The following PDE1C variants were observed in gnomAD, a reference collection of about 807,000 sequenced individuals.
PDE1C encodes phosphodiesterase 1C, also known as dual specificity calcium/calmodulin-dependent 3',5'-cyclic nucleotide phosphodiesterase 1C.
In PDE1C, 62 loss-of-function variants were observed where a neutral mutation model predicts 93.1. The observed-to-expected ratio is 0.67, with a 90% CI of 0.54 to 0.82. PDE1C has a LOEUF of 0.82. PDE1C is among the 40% of genes least tolerant of loss of function. The pLI is 0.00. For synonymous variants in PDE1C, 325 were observed against 310.1 expected (o/e 1.05, Z -0.50); for missense variants, 742 against 884.6 (o/e 0.84, Z 2.04).
At chr7:32,332,171 T>A (rs1442559942) in intron 1 of PDE1C, among the ~76,000 whole-genome samples, 1 of 151,988 alleles carries the variant, frequency 6.6e-6, no homozygotes, top group Admixed American at 6.5e-5. Flanking sequence ...CACAGAGACA[T>A]CTATAATCAA....
At chr7:32,092,814 G>C (rs1358441996) in intron 3 of PDE1C, among the ~76,000 whole-genome samples, 1 of 151,546 alleles carries the variant, frequency 6.6e-6, no homozygotes, top group African/African-American at 2.4e-5. Context: ...ACTATGTTGA[G>C]TATTCTTACC....
the PDE1C span, among the ~76,000 whole-genome samples, chr7:31,705,986 A>ATTTTTTTT: frequency 1.1e-4 from 6 of 52,514 alleles, 2 homozygotes; most frequent in African/African-American, 1.5e-4. Context: ...CAGACCAGTA[A>ATTTTTTTT]TTTTTTTTTT....
intron 2 of PDE1C, among the ~76,000 whole-genome samples, chr7:32,048,094 A>T (rs552048480): frequency 6.6e-6 from 1 of 152,324 alleles, no homozygotes; most frequent in African/African-American, 2.4e-5. Context: ...AGATATATTT[A>T]AAATTGTCTA....
chr7:31,985,752 C>T (rs969690202), intron 2 of PDE1C, among the ~76,000 whole-genome samples: 1 of 149,400 alleles, frequency 6.7e-6, no homozygotes, highest in Non-Finnish European at 1.5e-5. Flanking sequence ...GACATGAATT[C>T]ATCTTTTTTA....
chr7:31,698,145 G>A, the PDE1C span, among the ~76,000 whole-genome samples: 1 of 152,254 alleles, frequency 6.6e-6, no homozygotes, highest in South Asian at 2.1e-4. Flanking sequence ...AACACTCTGG[G>A]GAGAAGATAA....
At chr7:32,203,191 A>T (rs1004240967) in intron 2 of PDE1C, among the ~76,000 whole-genome samples, 1 of 150,602 alleles carries the variant, frequency 6.6e-6, no homozygotes, top group Non-Finnish European at 1.5e-5. Flanking sequence ...TCCCCCACTC[A>T]TGGCATTTCT....
the PDE1C span, chr7:31,643,579 T>G: frequency 1.2e-6 from 2 of 1,614,026 alleles, no homozygotes; most frequent in Non-Finnish European, 1.7e-6. Context: ...ATCTTTAGAA[T>G]GCACTGTGTG....
At chr7:32,335,585 T>C (rs1037616937) in intron 1 of PDE1C, among the ~76,000 whole-genome samples, 1 of 152,194 alleles carries the variant, frequency 6.6e-6, no homozygotes, top group Admixed American at 6.5e-5. Context: ...TCTCCCTATA[T>C]TTTTACATGA....
chr7:32,174,500 C>T (rs775706306), intron 2 of PDE1C, among the ~76,000 whole-genome samples: 6 of 151,958 alleles, frequency 3.9e-5, no homozygotes, highest in Non-Finnish European at 8.8e-5. Flanking sequence ...AAGCATGAGA[C>T]GCTCTTCAGC....
intron 16 of PDE1C, chr7:31,786,909 C>T (rs866264609): frequency 0.21 from 1,691 of 7,988 alleles, 27 homozygotes; most frequent in African/African-American, 0.26. Context: ...ATCTATCTAT[C>T]TATCTATCTA....
intron 1 of PDE1C, among the ~76,000 whole-genome samples, chr7:32,385,791 T>A (rs1479969484): frequency 6.6e-6 from 1 of 152,160 alleles, no homozygotes; most frequent in Non-Finnish European, 1.5e-5. Context: ...ATAAGCCCCA[T>A]GCTGGAGCGA....
intron 1 of PDE1C, among the ~76,000 whole-genome samples, chr7:32,274,248 G>A (rs1811147798): frequency 6.7e-6 from 1 of 149,552 alleles, no homozygotes; most frequent in Admixed American, 6.7e-5. Flanking sequence ...TGCTCTGTCA[G>A]CTAAGCTAGA....
At chr7:32,340,919 T>G (rs906564221) in intron 1 of PDE1C, among the ~76,000 whole-genome samples, 3 of 152,140 alleles carry the variant, frequency 2.0e-5, no homozygotes, top group Non-Finnish European at 2.9e-5. Flanking sequence ...AATCCTCTAA[T>G]GATAGATACA....
chr7:31,780,631 C>T (rs924397981), intron 16 of PDE1C, among the ~76,000 whole-genome samples: 11 of 152,208 alleles, frequency 7.2e-5, no homozygotes, highest in African/African-American at 2.4e-4. Flanking sequence ...TCATTTTCCT[C>T]ATCTATGAAA....
intron 3 of PDE1C, among the ~76,000 whole-genome samples, chr7:32,139,283 G>A (rs1011842151): frequency 1.4e-5 from 2 of 146,020 alleles, no homozygotes; most frequent in Middle Eastern, 3.8e-3. Context: ...CTACAAGCAG[G>A]CAACACCAAA....
intron 2 of PDE1C, among the ~76,000 whole-genome samples, chr7:31,935,386 C>T (rs1804898755): frequency 1.3e-5 from 2 of 152,156 alleles, no homozygotes; most frequent in African/African-American, 4.8e-5. Context: ...TTCCCTTTTA[C>T]AGAACCTCCC....
intron 16 of PDE1C, among the ~76,000 whole-genome samples, chr7:31,794,109 T>TGGGCAGGC (rs1784992844): frequency 6.7e-6 from 1 of 148,972 alleles, no homozygotes. Flanking sequence ...GACAGATAGA[T>TGGGCAGGC]GGGCAGGCGG....
At chr7:32,396,038 T>G (rs1784835186) in intron 1 of PDE1C, among the ~76,000 whole-genome samples, 1 of 152,200 alleles carries the variant, frequency 6.6e-6, no homozygotes, top group Non-Finnish European at 1.5e-5. Flanking sequence ...CAACAAGCTT[T>G]TTTAAAATAA....
At chr7:31,645,149 C>T in the PDE1C span, among the ~76,000 whole-genome samples, 1 of 152,124 alleles carries the variant, frequency 6.6e-6, no homozygotes. Context: ...ATTTGGGTAA[C>T]AGTAAATTGC....
Sources: allele counts gnomAD v4.1 joint callset (sites outside exome capture counted in the v4.1 genomes callset), GRCh38; gene constraint gnomAD v4.1.1; transcripts MANE v1.5; gene names NCBI Gene and HGNC (gene_info 2026-07-23, HGNC 2026-07-21).